Variants in AP3B2 observed in about 807,000 individuals in gnomAD.
AP3B2 encodes the protein AP-3 complex subunit beta-2.
Under a neutral mutation model 126.9 loss-of-function variants are expected in AP3B2, and 50 were observed. The observed-to-expected ratio is 0.39, with a 90% CI of 0.31 to 0.50. AP3B2 has a LOEUF of 0.50. Among genes scored for constraint, AP3B2 ranks in the 20% least tolerant of loss-of-function variants. The pLI is 0.79. For missense variants in AP3B2, 1,177 were observed against 1,426.4 expected (o/e 0.83, Z 2.82); for synonymous variants, 541 against 565.0 (o/e 0.96, Z 0.60).
intron 1 of AP3B2, among the ~76,000 whole-genome samples, chr15:82,706,885 C>G (rs890108077): frequency 1.3e-5 from 2 of 152,084 alleles, no homozygotes; most frequent in African/African-American, 4.8e-5. Flanking sequence ...TTGTTCAGGC[C>G]CCCTCCCTTC....
chr15:82,663,956 C>T lies in AP3B2; in HGVS notation c.2281G>A (p.Gly761Ser), dbSNP rs2048005309. 6.2e-7 allele frequency: 1 copy of T among 1,605,370 alleles called. No individual in the cohort carries two copies. The highest frequency in any genetic ancestry group is 8.5e-7 in the Non-Finnish European group (1 of 1,179,722). ...ACCTTCTTCTTTGTCTTCCTCTTAC[C>T]ATCCTCCTCACTCTGTTCACTGAAG... is the stretch of plus-strand genomic sequence containing the variant. Reference protein sequence around the residue: ...GSESEQSEEDGKRKTKKKVPE... With the variant: ...GSESEQSEEDSKRKTKKKVPE... The change falls in exon 20 of 27, where the codon GGT becomes AGT. Residue 761 changes from glycine to serine, a missense_variant. Transcript: ENST00000535359.
Position 82,681,672 on chromosome 15 carries a change from C to T in AP3B2, c.361-92G>A. ...CTTTGGAAGTCACTGTCCCCAGCGA[C>T]CACTAGCTCTTGCTTCCCTGCCGCT... On this transcript the variant is annotated intron_variant, in intron 4 of 26. Transcript: ENST00000535359. This position sits in a 1 kb window ranked among gnomAD's most constrained non-coding sequence, Gnocchi z 4.0. 2 of 1,373,294 alleles carry T rather than the reference C, an allele frequency of 1.5e-6. No individual in the cohort carries two copies. Among genetic ancestry groups the T allele is most frequent in the Non-Finnish European group, 2.0e-6 (2 of 1,010,232 alleles). 85.1% of individuals were successfully genotyped at this position (1,373,294 alleles called of 1,614,324 possible).
At chr15:82,673,725 CTT>C (rs953083352) in intron 14 of AP3B2, among the ~76,000 whole-genome samples, 1 of 152,098 alleles carries the variant, frequency 6.6e-6, no homozygotes, top group African/African-American at 2.4e-5. Context: ...ATAGTTTAAA[CTT>C]ATAATTTTCT....
chr15:82,698,399 C>T (rs1165419366), intron 1 of AP3B2, among the ~76,000 whole-genome samples: 1 of 151,886 alleles, frequency 6.6e-6, no homozygotes, highest in Non-Finnish European at 1.5e-5. Flanking sequence ...ACACATATCC[C>T]ATACATGTCC....
At chr15:82,692,297 G>C (rs1461239165) in intron 1 of AP3B2, 1 of 674,676 alleles carries the variant, frequency 1.5e-6, no homozygotes. Flanking sequence ...GGTCTTCCAC[G>C]TCCTTCTCGC....
chr15:82,697,166 C>T (rs1307253761), intron 1 of AP3B2, among the ~76,000 whole-genome samples: 1 of 151,948 alleles, frequency 6.6e-6, no homozygotes, highest in African/African-American at 2.4e-5. Context: ...CCCGTCTCTA[C>T]TAAAAAATTT....
intron 14 of AP3B2, among the ~76,000 whole-genome samples, chr15:82,668,453 G>T (rs976037770): frequency 2.6e-5 from 4 of 152,190 alleles, no homozygotes; most frequent in Non-Finnish European, 5.9e-5. Context: ...ATTATCAAGA[G>T]GCTGCTGATC....
At chr15:82,688,524 G>A in intron 4 of AP3B2, 1 of 703,478 alleles carries the variant, frequency 1.4e-6, no homozygotes, top group Non-Finnish European at 2.6e-6. Flanking sequence ...GGGGCCCTGG[G>A]TACCCACTTC....
intron 3 of AP3B2, 46 bp downstream of exon 3, chr15:82,689,112 C>A (rs1482304022): frequency 6.2e-7 from 1 of 1,602,938 alleles, no homozygotes; most frequent in Non-Finnish European, 8.5e-7. Flanking sequence ...TGAGTGTGGT[C>A]CTGGGGGAGG....
intron 1 of AP3B2, among the ~76,000 whole-genome samples, chr15:82,697,159 G>A (rs1205750136): frequency 6.6e-6 from 1 of 152,056 alleles, no homozygotes; most frequent in Non-Finnish European, 1.5e-5. Context: ...GTGAAACCCC[G>A]TCTCTACTAA....
chr15:82,705,776 CTCCTT>C (rs2048786842), intron 1 of AP3B2, among the ~76,000 whole-genome samples: 1 of 152,178 alleles, frequency 6.6e-6, no homozygotes, highest in Non-Finnish European at 1.5e-5. Context: ...AAAGCAACAA[CTCCTT>C]TCCTTTCAAG....
At chr15:82,696,186 G>T (rs55870914) in intron 1 of AP3B2, among the ~76,000 whole-genome samples, 23,452 of 152,054 alleles carry the variant, frequency 0.15, 2,181 homozygotes, top group African/African-American at 0.24. Flanking sequence ...AGGTACTGGG[G>T]GCTAGAACTT....
At chr15:82,697,065 C>T (rs1320101371) in intron 1 of AP3B2, among the ~76,000 whole-genome samples, 1 of 152,210 alleles carries the variant, frequency 6.6e-6, no homozygotes, top group Non-Finnish European at 1.5e-5. Context: ...GGCACGGTGG[C>T]TCACGCCTGT....
chr15:82,662,689 C>T lies in AP3B2; in HGVS notation c.2833+5G>A. On this transcript the variant is annotated splice_donor_5th_base_variant and intron_variant, in intron 23 of 26. Coordinates refer to ENST00000535359, the MANE Select transcript of AP3B2 (RefSeq NM_001278512.2). Reference sequence around the variant, plus strand: ...CTCCTCCACCCCATCCAAAGCCCTTCGCACCAATTTCGGGAAATTCTTGGA... The same window carrying T: ...CTCCTCCACCCCATCCAAAGCCCTTTGCACCAATTTCGGGAAATTCTTGGA... The T allele has an allele frequency of 1.2e-6, 2 of 1,609,454 alleles. No individual in the cohort carries two copies. The highest frequency in any genetic ancestry group is 1.1e-5 in the South Asian group (1 of 89,992).
chr15:82,687,853 A>T (rs1267013837), intron 4 of AP3B2: 2 of 152,712 alleles, frequency 1.3e-5, no homozygotes, highest in African/African-American at 4.8e-5. Flanking sequence ...CATCCCTGTA[A>T]TCCCAGCACT....
chr15:82,700,397 C>CTGTTTTTTTTTTT, intron 1 of AP3B2, among the ~76,000 whole-genome samples: 1 of 35,096 alleles, frequency 2.8e-5, no homozygotes, highest in Non-Finnish European at 5.1e-5. Flanking sequence ...TGGTGGGTGG[C>CTGTTTTTTTTTTT]TTTTTTTTTT....
At chr15:82,688,185 G>C in intron 4 of AP3B2, 1 of 509,766 alleles carries the variant, frequency 2.0e-6, no homozygotes, top group South Asian at 3.3e-5. Context: ...AATATGGAGA[G>C]AATGGCCTTG....
At position 82,664,045 on chromosome 15, in the gene AP3B2, A is replaced by G; in HGVS notation, c.2262-70T>C. 6.6e-7 allele frequency: 1 copy of G among 1,524,840 alleles called. No homozygotes were observed. The highest frequency in any genetic ancestry group is 8.8e-7 in the Non-Finnish European group (1 of 1,139,298). 94.5% of individuals were successfully genotyped at this position (1,524,840 alleles called of 1,614,324 possible). A position where few individuals can be genotyped will look rare whatever the true frequency, so the allele number is the denominator to read the frequency against. On this transcript the variant is annotated intron_variant, in intron 19 of 26. Transcript: ENST00000535359. This position sits in a 1 kb window ranked among gnomAD's most constrained non-coding sequence, Gnocchi z 4.5. ...CCTCCTTGCTTCACAGAAGCAGGAG[A>G]AATGCTGAAAAGCTGGAGTGGTGTG...
At chr15:82,663,371 C>A (rs1035826103) in intron 21 of AP3B2, 138 bp from the exon 22 acceptor site, 14 of 974,322 alleles carry the variant, frequency 1.4e-5, no homozygotes, top group Admixed American at 2.0e-5. Context: ...TCGCAAAATA[C>A]CCATTCCTAG....
Sources: gnomAD v4.1 joint callset for allele counts (sites outside exome capture counted in the v4.1 genomes callset) on GRCh38, gnomAD v4.1.1 for gene constraint, Gnocchi (gnomAD v3.1) non-coding constraint, MANE v1.5 for transcripts, NCBI Gene and HGNC (gene_info 2026-07-23, HGNC 2026-07-21) for gene names.